Variants in NIN observed in about 807,000 individuals in gnomAD.
NIN encodes ninein, also known as glycogen synthase kinase 3 beta-interacting protein.
Under a neutral mutation model 257.6 loss-of-function variants are expected in NIN, and 137 were observed. That is an observed-to-expected ratio of 0.53 (90% CI 0.46 to 0.61). The LOEUF (loss-of-function observed/expected upper bound fraction) is 0.61. NIN is among the 20% of genes least tolerant of loss of function. The pLI, the probability that NIN is intolerant of heterozygous loss-of-function variation, is 0.00. For synonymous variants in NIN, 918 were observed against 919.8 expected (o/e 1.00, Z 0.04); for missense variants, 2,439 against 2,501.2 (o/e 0.98, Z 0.53).
chr14:50,762,644 C>T (rs1382096936), intron 15 of NIN, among the ~76,000 whole-genome samples: 2 of 152,132 alleles, frequency 1.3e-5, no homozygotes, highest in Non-Finnish European at 2.9e-5. Context: ...CTGCCCACGA[C>T]GATGACTGAG....
At chr14:50,726,313 G>C (rs1390211872) in intron 29 of NIN, 1 of 409,728 alleles carries the variant, frequency 2.4e-6, no homozygotes, top group Non-Finnish European at 4.4e-6. Context: ...TCATCCCCCT[G>C]ATATAAAGCA....
At position 50,757,160 on chromosome 14, in the gene NIN, C is replaced by A. The variant is rs1431923853; in HGVS notation, c.3870G>T (p.Leu1290Phe). 6.2e-7 allele frequency: 1 copy of A among 1,612,720 alleles called. No homozygotes were observed. The highest frequency in any genetic ancestry group is 8.5e-7 in the Non-Finnish European group (1 of 1,179,570). Residue 1290 changes from leucine (L) to phenylalanine (F), a missense_variant, in exon 18 of 31, where the codon TTG (leucine) becomes TTT (phenylalanine). By Grantham distance (22) the Leu-to-Phe change is conservative. This residue lies in a region of NIN where 2,043 missense variants were observed against 2,050.2 expected (regional missense o/e 1.00). Coordinates refer to ENST00000530997, the MANE Select transcript of NIN (RefSeq NM_020921.4). ...NKELTAEVFR[L>F]QDELKKMEEV... is the part of the protein sequence containing the mutation. The stretch of plus-strand genomic sequence containing the variant: ...CCTCCATTTTCTTCAGCTCATCCTG[C>A]AACCTGAAAACCTCTGCAGTGAGTT...
At position 50,772,665 on chromosome 14, in the gene NIN, T is replaced by C. The variant is rs75674090; in HGVS notation, c.814-197A>G. Among the ~76,000 whole-genome samples the C allele has an allele frequency of 1.4e-4, 22 of 152,310 alleles. No homozygotes were observed. In the East Asian group the frequency reaches 3.9e-3, roughly 27 times the overall value. On this transcript the variant is annotated intron_variant, in intron 8 of 30. Transcript: ENST00000530997. Reference sequence around the variant, plus strand: ...AGCTTATCAAAACCAACTGTTTTGGTAGAGAGTTCTATGACATAGACGAGA... The same window carrying C: ...AGCTTATCAAAACCAACTGTTTTGGCAGAGAGTTCTATGACATAGACGAGA...
At chr14:50,768,916 T>G (rs1053597321) in intron 12 of NIN, among the ~76,000 whole-genome samples, 5 of 152,130 alleles carry the variant, frequency 3.3e-5, no homozygotes, top group Non-Finnish European at 7.4e-5. Flanking sequence ...AGAGTCACTT[T>G]GGAGCATCAA....
At chr14:50,776,859 T>C in intron 7 of NIN, 90 bp downstream of exon 7, 1 of 1,153,062 alleles carries the variant, frequency 8.7e-7, no homozygotes, top group Non-Finnish European at 1.2e-6. Flanking sequence ...CCTAACAAGC[T>C]GCAGAGAGCC....
In NIN at chr14:50,763,816, A is replaced by G. The variant is rs1204419696; in HGVS notation, c.1774+10T>C. 6.2e-7 allele frequency: 1 copy of G among 1,613,256 alleles called. No homozygotes were observed. The highest frequency in any genetic ancestry group is 8.5e-7 in the Non-Finnish European group (1 of 1,179,480). On this transcript the variant is annotated intron_variant, in intron 15 of 30. Transcript: ENST00000530997. ...AAGGCTTTATCTACAGCCTGTCCGA[A>G]TGTGTTTACCGTGTTCGGGCTCAAT... is the stretch of plus-strand genomic sequence containing the variant.
intron 15 of NIN, 110 bp from the exon 16 acceptor site, chr14:50,762,021 T>C (rs183786194): frequency 1.0e-5 from 12 of 1,170,606 alleles, no homozygotes; most frequent in Non-Finnish European, 1.5e-5. Flanking sequence ...CAGCCTGAAT[T>C]ACCAGAGATG....
At chr14:50,747,081 C>A (rs541861208) in intron 22 of NIN, among the ~76,000 whole-genome samples, 27 of 152,280 alleles carry the variant, frequency 1.8e-4, no homozygotes, top group African/African-American at 5.8e-4. Flanking sequence ...TCTCATATTC[C>A]TGGCCTCAAG....
At position 50,763,601 on chromosome 14, in the gene NIN, C is replaced by T. The variant is rs1412166356; in HGVS notation, c.1774+225G>A. 9.9e-5 allele frequency among the ~76,000 whole-genome samples: 15 copies of T among 152,264 alleles called. No individual in the cohort carries two copies. In the South Asian group the frequency reaches 2.5e-3, roughly 25 times the overall value. ...ACCCTTGTGGTTTGATTCTTCCATT[C>T]CTTTGTTGACGCATATCAAAATCAG... On this transcript the variant is annotated intron_variant, in intron 15 of 30. Coordinates refer to ENST00000530997, the MANE Select transcript of NIN (RefSeq NM_020921.4).
chr14:50,766,979 G>T, intron 12 of NIN, 89 bp from the exon 13 acceptor site: 1 of 825,526 alleles, frequency 1.2e-6, no homozygotes, highest in Non-Finnish European at 2.0e-6. Context: ...AATCAGTACC[G>T]TAGATTAAAG....
chr14:50,747,957 T>C (rs1461520132), intron 22 of NIN, 35 bp downstream of exon 22: 1 of 1,400,472 alleles, frequency 7.1e-7, no homozygotes, highest in East Asian at 2.3e-5. Context: ...GTACATATTG[T>C]TCTGTGAACC....
Position 50,763,861 on chromosome 14 carries a change from A to G in NIN, c.1739T>C (p.Val580Ala). ...CTCAATGCCACCGCTGTTAGCCTCA[A>G]CTTCTTCTGACGGTGAGTTCTTCAA... is the stretch of plus-strand genomic sequence containing the variant. Reference protein sequence around the residue: ...LPLKNSPSEEVEANSGGIEPE... With the variant: ...LPLKNSPSEEAEANSGGIEPE... Residue 580 changes from valine to alanine, a missense_variant, in exon 15 of 31, where the codon GTT becomes GCT. Around this residue, in one of 3 missense-constraint regions of NIN, gnomAD observed 2,043 missense variants for 2,050.2 expected, o/e 1.00. Transcript: ENST00000530997. 1 of 1,613,998 alleles carries G rather than the reference A, an allele frequency of 6.2e-7. No homozygotes were observed. Among genetic ancestry groups the G allele is most frequent in the Non-Finnish European group, 8.5e-7 (1 of 1,179,846 alleles).
intron 3 of NIN, among the ~76,000 whole-genome samples, chr14:50,818,057 C>T (rs1400268364): frequency 6.6e-6 from 1 of 151,290 alleles, no homozygotes; most frequent in Non-Finnish European, 1.5e-5. Context: ...GGCACGATGG[C>T]TCACGCCTGT....
At chr14:50,767,622 C>T (rs963436391) in intron 12 of NIN, among the ~76,000 whole-genome samples, 7 of 152,020 alleles carry the variant, frequency 4.6e-5, no homozygotes, top group Non-Finnish European at 7.4e-5. Context: ...TCGAGACCAT[C>T]CTGGCGAACA....
chr14:50,751,470 AG>A lies in NIN; in HGVS notation c.4950+1047del, dbSNP rs1273153507. 3.2e-5 allele frequency among the ~76,000 whole-genome samples: 4 copies of A among 126,058 alleles called. No individual in the cohort carries two copies. In the East Asian group the frequency reaches 9.5e-4, roughly 30 times the overall value. The allele number at this position is 126,058 out of a possible 152,430, so 82.7% of individuals were successfully genotyped here. ...ATTTTAAAATTGATGCCAGTCTTAT[AG>A]GTGAGAAATTATACAAGTGTTGTTT... On this transcript the variant is annotated intron_variant, in intron 21 of 30. Transcript: ENST00000530997.
At position 50,777,090 on chromosome 14, in the gene NIN, T is replaced by G. The variant is rs777377984; in HGVS notation, c.525A>C (p.Gly175=). The change falls in exon 7 of 31, where the codon GGA becomes GGC. Residue 175 remains glycine (G), a synonymous_variant. Transcript: ENST00000530997. ...NPDDLNASQS[G]SSPPQDWIEE... ...CTATCCAGTCTTGGGGAGGGGAAGA[T>G]CCACTCTGTGAAGCATTCAAGTCAT... 3.1e-6 allele frequency: 5 copies of G among 1,614,036 alleles called. No individual in the cohort carries two copies. Among genetic ancestry groups the G allele is most frequent in the Non-Finnish European group, 4.2e-6 (5 of 1,179,952 alleles).
intron 14 of NIN, among the ~76,000 whole-genome samples, chr14:50,765,944 A>C (rs868762279): frequency 3.8e-4 from 57 of 151,088 alleles, no homozygotes; most frequent in Middle Eastern, 3.4e-3. Flanking sequence ...GGTGCGCTGC[A>C]CCCACTAACT....
At chr14:50,828,879 T>C (rs2045578086) in intron 2 of NIN, among the ~76,000 whole-genome samples, 1 of 152,130 alleles carries the variant, frequency 6.6e-6, no homozygotes, top group African/African-American at 2.4e-5. Context: ...TCATTACACA[T>C]CTAAAATGAA....
intron 4 of NIN, among the ~76,000 whole-genome samples, chr14:50,803,296 T>G (rs372017462): frequency 6.6e-6 from 1 of 152,120 alleles, no homozygotes; most frequent in Non-Finnish European, 1.5e-5. Flanking sequence ...GAGGTTGCAG[T>G]GAACTGAGAT....
Sources: gnomAD v4.1 joint callset for allele counts (sites outside exome capture counted in the v4.1 genomes callset) on GRCh38, gnomAD v4.1.1 for gene constraint, gnomAD v4.1.1 regional missense constraint, MANE v1.5 for transcripts, NCBI Gene and HGNC (gene_info 2026-07-23, HGNC 2026-07-21) for gene names.